HEATR5A: variants seen among roughly 807,000 people sequenced by gnomAD.
HEATR5A encodes HEAT repeat containing 5A.
A neutral mutation model predicts 218.8 loss-of-function variants in HEATR5A; 178 were observed. That is an observed-to-expected ratio of 0.81 (90% CI 0.72 to 0.92). The LOEUF is 0.92. Among genes scored for constraint, HEATR5A ranks in the 40% least tolerant of loss-of-function variants. The pLI is 0.00. For synonymous variants in HEATR5A, 864 were observed against 871.6 expected, an observed-to-expected ratio of 0.99 and a Z score of 0.15; for missense variants, 2,420 against 2,418.9, an observed-to-expected ratio of 1.00 and a Z score of -0.01.
At chr14:31,393,715 G>A (rs1411178010) in intron 6 of HEATR5A, among the ~76,000 whole-genome samples, 1 of 152,016 alleles carries the variant, frequency 6.6e-6, no homozygotes, top group East Asian at 1.9e-4. Flanking sequence ...TTGTGCAGTG[G>A]CGCAATCTCA....
chr14:31,404,985 G>T (rs2139311799), intron 1 of HEATR5A, among the ~76,000 whole-genome samples: 1 of 150,284 alleles, frequency 6.7e-6, no homozygotes, highest in Non-Finnish European at 1.5e-5. Context: ...AGTACTTTGA[G>T]AGGCCCAGGC....
intron 11 of HEATR5A, among the ~76,000 whole-genome samples, chr14:31,375,245 T>C (rs1220121050): frequency 6.6e-6 from 1 of 152,222 alleles, no homozygotes; most frequent in Non-Finnish European, 1.5e-5. Context: ...CAGTTTCGTC[T>C]ACATATTAAA....
intron 4 of HEATR5A, among the ~76,000 whole-genome samples, 181 bp from the exon 5 acceptor site, chr14:31,395,529 T>C (rs2030621249): frequency 6.6e-6 from 1 of 152,212 alleles, no homozygotes; most frequent in Non-Finnish European, 1.5e-5. Flanking sequence ...AAGTTACTTG[T>C]ATACACTGAT....
At chr14:31,335,120 A>C (rs959170363) in intron 22 of HEATR5A, among the ~76,000 whole-genome samples, 1 of 152,118 alleles carries the variant, frequency 6.6e-6, no homozygotes, top group East Asian at 1.9e-4. Flanking sequence ...GCAATAAAGA[A>C]TTTTTAATTT....
chr14:31,383,565 C>T lies in HEATR5A; in HGVS notation c.1552G>A (p.Ala518Thr), dbSNP rs1308769068. 2 of 1,613,898 alleles carry T rather than the reference C, an allele frequency of 1.2e-6. No individual in the cohort carries two copies. The highest frequency in any genetic ancestry group is 1.1e-5 in the South Asian group (1 of 91,088). Reference sequence around the variant, plus strand: ...ATTCCTAAAGGACAATGTTTTACTGCTCCCAACAAAGCTGCTACAGCAAAA... The same window carrying T: ...ATTCCTAAAGGACAATGTTTTACTGTTCCCAACAAAGCTGCTACAGCAAAA... Reference protein sequence around the residue: ...FSFAVAALLGAVKHCPLGIPH... With the variant: ...FSFAVAALLGTVKHCPLGIPH... Residue 518 changes from alanine to threonine, a missense_variant, in exon 10 of 36, where the codon GCA becomes ACA. By Grantham distance (58) the Ala-to-Thr change is moderately conservative (BLOSUM62 0). Coordinates refer to ENST00000543095, the MANE Select transcript of HEATR5A (RefSeq NM_015473.4).
intron 22 of HEATR5A, among the ~76,000 whole-genome samples, chr14:31,330,770 G>A (rs999197301): frequency 2.0e-5 from 3 of 151,440 alleles, no homozygotes; most frequent in Admixed American, 1.3e-4. Flanking sequence ...CAGCCTGGGC[G>A]ACAGAGTGAG....
At chr14:31,350,069 A>G in intron 17 of HEATR5A, 90 bp from the exon 18 acceptor site, 6 of 754,766 alleles carry the variant, frequency 7.9e-6, no homozygotes, top group East Asian at 3.1e-5. Context: ...CCAAATCCAA[A>G]TATGTTCATA....
rs559892478 is a variant in HEATR5A at position 31,315,150 on chromosome 14, G to A, written c.4218+620C>T. 3.0e-3 allele frequency among the ~76,000 whole-genome samples: 454 copies of A among 152,216 alleles called. 6 individuals are homozygous for A. Among genetic ancestry groups the A allele is most frequent in the South Asian group, 0.012 (57 of 4,816 alleles). On this transcript the variant is annotated intron_variant, in intron 27 of 35. Coordinates refer to ENST00000543095, the MANE Select transcript of HEATR5A (RefSeq NM_015473.4). Reference sequence around the variant, plus strand: ...ATTGCTCCATTTGTACCCCAGCCTCGTCAACAGAGCAAGACTCTGTCTACA... The same window carrying A: ...ATTGCTCCATTTGTACCCCAGCCTCATCAACAGAGCAAGACTCTGTCTACA...
chr14:31,302,568 T>C (rs1367645625), intron 32 of HEATR5A, 49 bp from the exon 33 acceptor site: 4 of 1,239,336 alleles, frequency 3.2e-6, no homozygotes, highest in East Asian at 2.5e-5. Flanking sequence ...CCTATATATA[T>C]GGTTTCTAAA....
chr14:31,387,021 G>C, intron 8 of HEATR5A, 99 bp downstream of exon 8: 1 of 1,154,036 alleles, frequency 8.7e-7, no homozygotes, highest in South Asian at 1.7e-5. Context: ...CAGCCTTCAA[G>C]GTTTCTGTAT....
In HEATR5A at chr14:31,337,460, T is replaced by G; in HGVS notation, c.3367+16A>C. 6.5e-7 allele frequency: 1 copy of G among 1,544,104 alleles called. No individual in the cohort carries two copies. The highest frequency in any genetic ancestry group is 1.4e-5 in the African/African-American group (1 of 72,938). On this transcript the variant is annotated intron_variant, in intron 22 of 35. Transcript: ENST00000543095. ...TAATCATTTGAGCTGGACATAATCTTGATCAAGAGAATTACCTGGAGTCAA... is the reference window on the plus strand; with the variant it reads ...TAATCATTTGAGCTGGACATAATCTGGATCAAGAGAATTACCTGGAGTCAA...
In HEATR5A at chr14:31,293,999, G is replaced by T; in HGVS notation, c.5725C>A (p.Leu1909Met). The T allele has an allele frequency of 5.6e-6, 9 of 1,605,446 alleles. No homozygotes were observed. Among genetic ancestry groups the T allele is most frequent in the Non-Finnish European group, 7.7e-6 (9 of 1,175,620 alleles). Reference protein sequence around the residue: ...YSLASCIMEKLQEIDKRKPEN... With the variant: ...YSLASCIMEKMQEIDKRKPEN... Reference sequence around the variant, plus strand: ...GGTTTTCTCTTGTCTATTTCCTGCAGTTTTTCCATGATACAGGATGCTAAA... The same window carrying T: ...GGTTTTCTCTTGTCTATTTCCTGCATTTTTTCCATGATACAGGATGCTAAA... The change falls in exon 35 of 36, where the codon CTG becomes ATG. Residue 1909 changes from leucine (L) to methionine (M), a missense_variant. By Grantham distance (15) the Leu-to-Met change is conservative (BLOSUM62 2). Transcript: ENST00000543095.
intron 33 of HEATR5A, 45 bp downstream of exon 33, chr14:31,302,250 C>A (rs1480520203): frequency 7.2e-7 from 1 of 1,392,200 alleles, no homozygotes; most frequent in Admixed American, 2.0e-5. Flanking sequence ...CTCTTCTTCT[C>A]ACTTTTTAAG....
At chr14:31,351,940 G>A (rs985063774) in intron 16 of HEATR5A, among the ~76,000 whole-genome samples, 1 of 152,014 alleles carries the variant, frequency 6.6e-6, no homozygotes, top group African/African-American at 2.4e-5. Flanking sequence ...TAATGTTTGT[G>A]AATCCAAATT....
intron 1 of HEATR5A, among the ~76,000 whole-genome samples, chr14:31,416,149 G>A (rs112477186): frequency 4.0e-5 from 6 of 151,812 alleles, no homozygotes; most frequent in Admixed American, 1.3e-4. Flanking sequence ...ATGGAGTCTC[G>A]CTCTGTCGCC....
At chr14:31,328,965 G>T (rs1442604461) in intron 22 of HEATR5A, among the ~76,000 whole-genome samples, 1 of 152,000 alleles carries the variant, frequency 6.6e-6, no homozygotes, top group African/African-American at 2.4e-5. Flanking sequence ...ATACAATCAT[G>T]GTGGAAGGGG....
At chr14:31,305,770 C>T (rs1262438796) in intron 31 of HEATR5A, among the ~76,000 whole-genome samples, 1 of 152,134 alleles carries the variant, frequency 6.6e-6, no homozygotes, top group Non-Finnish European at 1.5e-5. Flanking sequence ...CCAGAAATTA[C>T]CATGTGACCT....
intron 1 of HEATR5A, chr14:31,420,215 T>C (rs1194031144): frequency 6.6e-6 from 1 of 152,454 alleles, no homozygotes; most frequent in Non-Finnish European, 1.5e-5. Flanking sequence ...CCACGCTGTT[T>C]ATCAGCCGAC....
intron 22 of HEATR5A, among the ~76,000 whole-genome samples, chr14:31,331,283 T>C (rs1234867687): frequency 6.6e-6 from 1 of 152,062 alleles, no homozygotes; most frequent in African/African-American, 2.4e-5. Flanking sequence ...AGATAATCTC[T>C]CTCAAGTTCA....
Sources: gnomAD v4.1 joint callset for allele counts (sites outside exome capture counted in the v4.1 genomes callset) on GRCh38, gnomAD v4.1.1 for gene constraint, MANE v1.5 for transcripts, NCBI Gene and HGNC (gene_info 2026-07-23, HGNC 2026-07-21) for gene names.